Variants in WWOX observed in about 807,000 individuals in gnomAD.
The protein encoded by WWOX is WW domain-containing oxidoreductase.
WWOX carries 69 observed loss-of-function variants against 46.2 expected under a neutral mutation model. The observed-to-expected ratio is 1.49, with a 90% CI of 1.23 to 1.82. WWOX has a LOEUF of 1.82. WWOX is among the 40% of genes most tolerant of loss of function. WWOX has a pLI of 0.00. For missense variants in WWOX, 919 were observed against 542.6 expected, an observed-to-expected ratio of 1.69 and a Z score of -6.89; for synonymous variants, 359 against 202.6, an observed-to-expected ratio of 1.77 and a Z score of -6.56.
chr16:79,011,781 C>T lies in WWOX; in HGVS notation c.1057-199827C>T, dbSNP rs141929915. ...GTGCTGGGATTACAGGCATGAGCCA[C>T]CATGCCCGGCCCCCTTTTTTAAAAA... is the stretch of plus-strand genomic sequence containing the variant. On this transcript the variant is annotated intron_variant, in intron 8 of 8. Transcript: ENST00000566780. Among the ~76,000 whole-genome samples the T allele has an allele frequency of 5.3e-5, 8 of 152,142 alleles. No individual in the cohort carries two copies. In the East Asian group the frequency reaches 1.4e-3, roughly 26 times the overall value.
At chr16:79,138,434 C>G (rs573390682) in intron 8 of WWOX, among the ~76,000 whole-genome samples, 11 of 152,218 alleles carry the variant, frequency 7.2e-5, no homozygotes, top group Middle Eastern at 3.2e-3. Context: ...GTATCACCTC[C>G]TCTATGAAGT....
At chr16:79,018,651 C>T (rs1182636777) in intron 8 of WWOX, among the ~76,000 whole-genome samples, 1 of 152,100 alleles carries the variant, frequency 6.6e-6, no homozygotes, top group Non-Finnish European at 1.5e-5. Context: ...TTGTTTCAAA[C>T]ATATCATGCT....
chr16:79,075,405 TTCTG>T (rs1197882577), intron 8 of WWOX, among the ~76,000 whole-genome samples: 6 of 152,322 alleles, frequency 3.9e-5, no homozygotes, highest in African/African-American at 1.2e-4. Context: ...AGTACTTCCT[TTCTG>T]TCTTTTTCCC....
chr16:78,847,386 A>G (rs559448525), intron 8 of WWOX, among the ~76,000 whole-genome samples: 2 of 152,300 alleles, frequency 1.3e-5, no homozygotes, highest in South Asian at 4.1e-4. Context: ...ATTTGTTCAT[A>G]TATTTATAAC....
At chr16:78,544,433 C>T (rs1195822792) in intron 8 of WWOX, among the ~76,000 whole-genome samples, 2 of 152,134 alleles carry the variant, frequency 1.3e-5, no homozygotes, top group Non-Finnish European at 1.5e-5. Flanking sequence ...GTAGTCAGTT[C>T]CTCATTTGCA....
At chr16:78,870,659 T>C (rs57348488) in intron 8 of WWOX, among the ~76,000 whole-genome samples, 3,121 of 152,302 alleles carry the variant, frequency 0.02, 104 homozygotes, top group African/African-American at 0.071. Context: ...TGGAGTGCGG[T>C]GGTGCGATCT....
intron 4 of WWOX, among the ~76,000 whole-genome samples, chr16:78,152,533 G>C (rs769275507): frequency 4.6e-5 from 7 of 152,144 alleles, no homozygotes; most frequent in Non-Finnish European, 1.0e-4. Context: ...GAAGTTGCCT[G>C]GTTGCCCCAC....
chr16:78,470,001 C>G (rs1036495061), intron 8 of WWOX, among the ~76,000 whole-genome samples: 3 of 152,206 alleles, frequency 2.0e-5, no homozygotes, highest in Non-Finnish European at 4.4e-5. Flanking sequence ...AATAAGCACG[C>G]CTGTGCACAG....
chr16:78,876,577 T>G (rs1319395057), intron 8 of WWOX, among the ~76,000 whole-genome samples: 1 of 152,194 alleles, frequency 6.6e-6, no homozygotes, highest in Non-Finnish European at 1.5e-5. Context: ...GTCTTTAATT[T>G]GTTAATGCTT....
chr16:78,372,837 T>C (rs1024361892), intron 5 of WWOX, among the ~76,000 whole-genome samples: 1 of 152,216 alleles, frequency 6.6e-6, no homozygotes, highest in African/African-American at 2.4e-5. Context: ...TTTATTTTTC[T>C]AATTTGTTAT....
At chr16:78,900,820 T>C (rs56120607) in intron 8 of WWOX, among the ~76,000 whole-genome samples, 13,794 of 149,724 alleles carry the variant, frequency 0.092, 808 homozygotes, top group South Asian at 0.25. Flanking sequence ...TTAAATAAAA[T>C]TGTACTTTTA....
intron 8 of WWOX, among the ~76,000 whole-genome samples, chr16:78,969,752 A>G (rs1176030043): frequency 6.6e-6 from 1 of 152,160 alleles, no homozygotes; most frequent in Non-Finnish European, 1.5e-5. Flanking sequence ...GTCACAAAGG[A>G]CCCTATGTTA....
intron 8 of WWOX, among the ~76,000 whole-genome samples, chr16:78,610,888 G>C (rs1386815541): frequency 2.6e-5 from 4 of 152,074 alleles, no homozygotes; most frequent in African/African-American, 4.8e-5. Flanking sequence ...TGCAATTAAT[G>C]ACAGGAAGCC....
Position 78,967,276 on chromosome 16 carries a change from C to T in WWOX, c.1057-244332C>T, listed in dbSNP as rs1309089029. On this transcript the variant is annotated intron_variant, in intron 8 of 8. Coordinates refer to ENST00000566780, the MANE Select transcript of WWOX (RefSeq NM_016373.4). ...ACAACTGGGAGGCAACTACTCCTGCCTGCCGAGGCCTTTTTTTTTTTTTTT... is the reference window on the plus strand; with the variant it reads ...ACAACTGGGAGGCAACTACTCCTGCTTGCCGAGGCCTTTTTTTTTTTTTTT... Among the ~76,000 whole-genome samples the T allele has an allele frequency of 2.8e-5, 4 of 144,618 alleles. No homozygotes were observed. The East Asian group carries it at 8.4e-4, about 30-fold the overall frequency. 94.9% of individuals were successfully genotyped at this position (144,618 alleles called of 152,430 possible).
At chr16:78,359,475 G>T (rs771794012) in intron 5 of WWOX, among the ~76,000 whole-genome samples, 64 of 152,138 alleles carry the variant, frequency 4.2e-4, no homozygotes, top group Non-Finnish European at 7.6e-4. Flanking sequence ...AGGATCGATA[G>T]TTGGTACTTA....
chr16:78,389,847 T>A (rs773622210), intron 6 of WWOX, among the ~76,000 whole-genome samples: 4 of 152,184 alleles, frequency 2.6e-5, no homozygotes, highest in Non-Finnish European at 5.9e-5. Flanking sequence ...GGCCTTGGGT[T>A]CAAGCGATTC....
chr16:78,334,648 C>G (rs901382463), intron 5 of WWOX, among the ~76,000 whole-genome samples: 1 of 151,596 alleles, frequency 6.6e-6, no homozygotes, highest in Non-Finnish European at 1.5e-5. Flanking sequence ...ATTATAAATC[C>G]AAGAATTAAT....
intron 4 of WWOX, among the ~76,000 whole-genome samples, chr16:78,162,332 A>G (rs1164527243): frequency 6.6e-6 from 1 of 152,012 alleles, no homozygotes; most frequent in African/African-American, 2.4e-5. Flanking sequence ...TACTTCTAAA[A>G]CTATCTGCAG....
At chr16:78,717,540 T>G (rs1279327823) in intron 8 of WWOX, among the ~76,000 whole-genome samples, 1 of 152,132 alleles carries the variant, frequency 6.6e-6, no homozygotes, top group South Asian at 2.1e-4. Context: ...AAGGATGTGA[T>G]TTGCTCTCTT....
Sources: gnomAD v4.1 joint callset for allele counts (sites outside exome capture counted in the v4.1 genomes callset) on GRCh38, gnomAD v4.1.1 for gene constraint, MANE v1.5 for transcripts, NCBI Gene and HGNC (gene_info 2026-07-23, HGNC 2026-07-21) for gene names.